The following CISD1 variants were observed in gnomAD, a reference collection of about 807,000 sequenced individuals.
CISD1 encodes CDGSH iron sulfur domain 1, also known as CDGSH iron-sulfur domain-containing protein 1.
A neutral mutation model predicts 12.0 loss-of-function variants in CISD1; 8 were observed. That is an observed-to-expected ratio of 0.67 (90% CI 0.39 to 1.20). The LOEUF is 1.20. Among genes scored for constraint, CISD1 ranks in the 50% most tolerant of loss-of-function variants. The pLI is 0.01. For synonymous variants in CISD1, 38 were observed against 42.2 expected, an observed-to-expected ratio of 0.90 and a Z score of 0.39; for missense variants, 107 against 132.7, an observed-to-expected ratio of 0.81 and a Z score of 0.95.
intron 1 of CISD1, among the ~76,000 whole-genome samples, chr10:58,272,143 G>C (rs1186198333): frequency 1.4e-4 from 21 of 151,146 alleles, no homozygotes; most frequent in Admixed American, 1.4e-3. Context: ...CTTTGCCTCA[G>C]TGATATCTGT....
At chr10:58,274,435 A>G (rs1248096446) in intron 1 of CISD1, among the ~76,000 whole-genome samples, 3 of 147,998 alleles carry the variant, frequency 2.0e-5, no homozygotes, top group Non-Finnish European at 4.4e-5. Context: ...GTGATAAAAT[A>G]ACAACTTTTT....
intron 1 of CISD1, among the ~76,000 whole-genome samples, chr10:58,271,194 T>C (rs1317400283): frequency 2.7e-5 from 4 of 149,328 alleles, no homozygotes; most frequent in African/African-American, 1.0e-4. Flanking sequence ...CGCCCGCCAC[T>C]ACGCCCGGCT....
intron 2 of CISD1, among the ~76,000 whole-genome samples, chr10:58,285,204 A>G (rs975456898): frequency 1.3e-5 from 2 of 152,228 alleles, no homozygotes; most frequent in Non-Finnish European, 2.9e-5. Context: ...CTACGACAGG[A>G]TAGAATTTAT....
intron 2 of CISD1, among the ~76,000 whole-genome samples, chr10:58,278,135 ACTG>A (rs1371861173): frequency 6.6e-6 from 1 of 152,226 alleles, no homozygotes; most frequent in East Asian, 1.9e-4. Context: ...TTGATAAAAT[ACTG>A]TCTCGAGCAT....
intron 1 of CISD1, among the ~76,000 whole-genome samples, chr10:58,272,310 T>TA (rs1176548098): frequency 1.3e-5 from 2 of 152,132 alleles, no homozygotes; most frequent in East Asian, 3.9e-4. Flanking sequence ...TTTTTTTTTT[T>TA]ACTTTACCCT....
intron 1 of CISD1, among the ~76,000 whole-genome samples, chr10:58,270,749 G>C (rs1839237291): frequency 6.6e-6 from 1 of 152,208 alleles, no homozygotes; most frequent in Non-Finnish European, 1.5e-5. Flanking sequence ...TGTTTTTCAA[G>C]TCTAACCATA....
chr10:58,279,439 C>G (rs1839350826), intron 2 of CISD1, among the ~76,000 whole-genome samples: 1 of 152,070 alleles, frequency 6.6e-6, no homozygotes, highest in South Asian at 2.1e-4. Context: ...GATTACTCAA[C>G]CCATACTAGA....
rs150909844 is a variant in CISD1, at chr10:58,278,857, C to T, written c.237+1535C>T. 3.0e-4 allele frequency among the ~76,000 whole-genome samples: 45 copies of T among 152,202 alleles called. No individual in the cohort carries two copies. The South Asian group carries it at 5.0e-3, about 17-fold the overall frequency. On this transcript the variant is annotated intron_variant, in intron 2 of 2. Coordinates refer to ENST00000333926, the MANE Select transcript of CISD1 (RefSeq NM_018464.5). The stretch of plus-strand genomic sequence containing the variant: ...TCACCGGTTGAAGTCAAAACACAGA[C>T]GCAGAGGACACAGTTAAGTCAGTGA...
At chr10:58,281,745 G>A (rs1291872041) in intron 2 of CISD1, among the ~76,000 whole-genome samples, 5 of 152,118 alleles carry the variant, frequency 3.3e-5, no homozygotes, top group African/African-American at 1.2e-4. Flanking sequence ...TGTTATATGC[G>A]ATACAAATTT....
At chr10:58,281,143 T>C (rs1300169215) in intron 2 of CISD1, among the ~76,000 whole-genome samples, 1 of 152,238 alleles carries the variant, frequency 6.6e-6, no homozygotes, top group African/African-American at 2.4e-5. Flanking sequence ...TTTCATGAAC[T>C]AAGATCTCAA....
At position 58,289,036 on chromosome 10, in the gene CISD1, A is replaced by C. The variant is rs1249713646; in HGVS notation, c.*1386A>C. ...AGATAAAAGTTGGTAACAAAATTGT[A>C]CAGTGGTTTTAAGAAGCCCATGTAA... On this transcript the variant is annotated 3_prime_UTR_variant, in exon 3 of 3. Transcript: ENST00000333926. 1 of 152,194 alleles carries C rather than the reference A, an allele frequency of 6.6e-6. No homozygotes were observed. Among genetic ancestry groups the C allele is most frequent in the African/African-American group, 2.4e-5 (1 of 41,450 alleles). The allele number at this position is 152,194 out of a possible 1,614,324, so 9.4% of individuals were successfully genotyped here.
intron 2 of CISD1, among the ~76,000 whole-genome samples, chr10:58,282,515 GA>G (rs1301443532): frequency 1.3e-5 from 2 of 152,112 alleles, no homozygotes; most frequent in Non-Finnish European, 2.9e-5. Context: ...TAATGACAAG[GA>G]AAAAAGTGTA....
At chr10:58,283,305 A>G (rs1839393488) in intron 2 of CISD1, among the ~76,000 whole-genome samples, 2 of 152,086 alleles carry the variant, frequency 1.3e-5, no homozygotes. Flanking sequence ...AAAAATCTTA[A>G]TTTATCTTTG....
chr10:58,287,462 A>G lies in CISD1; in HGVS notation c.238-99A>G, dbSNP rs1465030887. On this transcript the variant is annotated intron_variant, in intron 2 of 2. Transcript: ENST00000333926. ...AAAGCCTATATAAGATAGCCAAGAA[A>G]ATCTTTATGTTATATGAATTAAGCA... The G allele has an allele frequency of 9.3e-6, 7 of 751,976 alleles. No homozygotes were observed. In the East Asian group the frequency reaches 1.9e-4, roughly 21 times the overall value. The allele number at this position is 751,976 out of a possible 1,614,324, so 46.6% of individuals were successfully genotyped here.
chr10:58,283,026 G>GA (rs1040657442), intron 2 of CISD1: 25 of 152,168 alleles, frequency 1.6e-4, no homozygotes, highest in African/African-American at 2.4e-5. Context: ...GAGCTGAACT[G>GA]AAATTGAAAT....
intron 2 of CISD1, among the ~76,000 whole-genome samples, chr10:58,282,491 T>A (rs774327943): frequency 1.3e-5 from 2 of 152,228 alleles, no homozygotes; most frequent in Admixed American, 6.5e-5. Context: ...TGTTATACTG[T>A]ATTGTTTAGA....
intron 2 of CISD1, among the ~76,000 whole-genome samples, chr10:58,285,052 A>C (rs1174160427): frequency 1.3e-5 from 2 of 152,162 alleles, no homozygotes; most frequent in Non-Finnish European, 2.9e-5. Context: ...TTCCTCATCC[A>C]TGCCAAGAAA....
At chr10:58,273,072 A>G (rs891896295) in intron 1 of CISD1, among the ~76,000 whole-genome samples, 1 of 152,088 alleles carries the variant, frequency 6.6e-6, no homozygotes, top group African/African-American at 2.4e-5. Context: ...ATAGCTTCTT[A>G]TATATACCTG....
chr10:58,286,590 A>G (rs767716565), intron 2 of CISD1, among the ~76,000 whole-genome samples: 1 of 152,218 alleles, frequency 6.6e-6, no homozygotes, highest in Non-Finnish European at 1.5e-5. Flanking sequence ...GGGCTATATG[A>G]TATGTTTTTT....
Sources: allele counts gnomAD v4.1 joint callset (sites outside exome capture counted in the v4.1 genomes callset), GRCh38; gene constraint gnomAD v4.1.1; transcripts MANE v1.5; gene names NCBI Gene and HGNC (gene_info 2026-07-23, HGNC 2026-07-21).